The following DPYD variants were observed in gnomAD, a reference collection of about 807,000 sequenced individuals.
DPYD encodes dihydropyrimidine dehydrogenase.
In DPYD, 109 loss-of-function variants were observed where a neutral mutation model predicts 116.2. The observed-to-expected ratio is 0.94, with a 90% confidence interval of 0.80 to 1.10. DPYD has a LOEUF of 1.10. Ranked by LOEUF, DPYD falls within the 50% of genes least tolerant of loss-of-function variation. DPYD has a pLI of 0.00. For missense variants in DPYD, 1,302 were observed against 1,254.5 expected, an observed-to-expected ratio of 1.04 and a Z score of -0.57; for synonymous variants, 440 against 432.0, an observed-to-expected ratio of 1.02 and a Z score of -0.23.
chr1:97,546,018 A>T, intron 12 of DPYD: 2 of 1,376,402 alleles, frequency 1.5e-6, no homozygotes, highest in Non-Finnish European at 2.1e-6. Flanking sequence ...ATATGTGACC[A>T]TGAATATAAA....
At chr1:97,317,899 G>T (rs577211350) in intron 16 of DPYD, among the ~76,000 whole-genome samples, 1 of 152,106 alleles carries the variant, frequency 6.6e-6, no homozygotes, top group African/African-American at 2.4e-5. Context: ...TTCCGACTAA[G>T]GAGAACTCAT....
intron 6 of DPYD, among the ~76,000 whole-genome samples, chr1:97,692,840 A>C (rs1489339814): frequency 6.6e-6 from 1 of 152,182 alleles, no homozygotes; most frequent in Non-Finnish European, 1.5e-5. Context: ...TATTATAGAG[A>C]TTAATTTGGA....
rs150090340 is a variant in DPYD, at chr1:97,852,953, G to A, written c.151-24757C>T. Among the ~76,000 whole-genome samples the A allele has an allele frequency of 2.3e-3, 349 of 152,180 alleles. 4 individuals carry two copies. Among genetic ancestry groups the A allele is most frequent in the African/African-American group, 8.0e-3 (333 of 41,516 alleles). ...ACCAATTTATTATTGAAAATCAATT[G>A]GCTGTCAATATCCAAACCCCTTTGT... On this transcript the variant is annotated intron_variant, in intron 2 of 22. Coordinates refer to ENST00000370192, the MANE Select transcript of DPYD (RefSeq NM_000110.4).
intron 18 of DPYD, among the ~76,000 whole-genome samples, chr1:97,277,064 G>A (rs566694748): frequency 6.6e-6 from 1 of 152,230 alleles, no homozygotes; most frequent in South Asian, 2.1e-4. Context: ...AAGCAACCTG[G>A]ATGCATCTGG....
At chr1:97,211,616 T>G (rs1660037346) in intron 19 of DPYD, among the ~76,000 whole-genome samples, 1 of 152,128 alleles carries the variant, frequency 6.6e-6, no homozygotes, top group Non-Finnish European at 1.5e-5. Context: ...ATATACAGTT[T>G]TAAAATTTAA....
intron 12 of DPYD, among the ~76,000 whole-genome samples, chr1:97,534,053 C>T (rs1649825628): frequency 6.6e-6 from 1 of 152,148 alleles, no homozygotes; most frequent in African/African-American, 2.4e-5. Context: ...TCGGTGTCCT[C>T]ATAATCTAAA....
At chr1:97,183,079 G>C (rs1657754717) in intron 20 of DPYD, among the ~76,000 whole-genome samples, 1 of 134,462 alleles carries the variant, frequency 7.4e-6, no homozygotes, top group African/African-American at 2.5e-5. Flanking sequence ...GTGTTTTTTT[G>C]GTATCCTGTC....
At chr1:97,506,842 G>T (rs1285869258) in intron 13 of DPYD, among the ~76,000 whole-genome samples, 1 of 151,996 alleles carries the variant, frequency 6.6e-6, no homozygotes, top group Non-Finnish European at 1.5e-5. Flanking sequence ...ATTAAATTGT[G>T]TTTGAAAGCA....
At position 97,491,612 on chromosome 1, in the gene DPYD, A is replaced by G. The variant is rs75084912; in HGVS notation, c.1740+24114T>C. Among the ~76,000 whole-genome samples the G allele has an allele frequency of 4.8e-3, 723 of 152,156 alleles. 1 individual carries two copies. Among genetic ancestry groups the G allele is most frequent in the South Asian group, 0.022 (106 of 4,828 alleles). ...GGAAGAATGCTGGCTTCCTTATTTA[A>G]CAGCTGAATGATGCTGAATAGTACA... On this transcript the variant is annotated intron_variant, in intron 13 of 22. Coordinates refer to ENST00000370192, the MANE Select transcript of DPYD (RefSeq NM_000110.4).
At chr1:97,567,950 C>T (rs1459154016) in intron 11 of DPYD, among the ~76,000 whole-genome samples, 2 of 151,796 alleles carry the variant, frequency 1.3e-5, no homozygotes, top group Non-Finnish European at 2.9e-5. Context: ...TATACACGTG[C>T]CATGTTGGTG....
intron 1 of DPYD, 42 bp downstream of exon 1, chr1:97,920,842 C>A (rs371738560): frequency 6.4e-7 from 1 of 1,571,474 alleles, no homozygotes; most frequent in South Asian, 1.2e-5. Context: ...GAGCACTCCC[C>A]ACCACCCCGC....
intron 12 of DPYD, among the ~76,000 whole-genome samples, chr1:97,539,336 G>C (rs1254882056): frequency 6.6e-6 from 1 of 152,022 alleles, no homozygotes; most frequent in South Asian, 2.1e-4. Flanking sequence ...TTCATGGAAT[G>C]AATCCCACTT....
intron 14 of DPYD, among the ~76,000 whole-genome samples, chr1:97,427,547 C>T (rs1474823028): frequency 6.6e-6 from 1 of 151,994 alleles, no homozygotes; most frequent in African/African-American, 2.4e-5. Flanking sequence ...CTTCATGCCC[C>T]AAGTGCAATG....
At chr1:97,850,020 T>C (rs1314379116) in intron 2 of DPYD, among the ~76,000 whole-genome samples, 3 of 152,042 alleles carry the variant, frequency 2.0e-5, no homozygotes, top group Admixed American at 6.5e-5. Context: ...ATGCTAATAA[T>C]CCAAATTAGA....
At chr1:97,163,620 C>T (rs186423955) in intron 20 of DPYD, among the ~76,000 whole-genome samples, 1 of 152,238 alleles carries the variant, frequency 6.6e-6, no homozygotes, top group Non-Finnish European at 1.5e-5. Context: ...CTAGATAGCG[C>T]CTTGTTGCTG....
intron 18 of DPYD, among the ~76,000 whole-genome samples, chr1:97,289,058 C>T (rs145856947): frequency 1.5e-3 from 230 of 152,288 alleles, no homozygotes; most frequent in African/African-American, 5.4e-3. Context: ...ACTACAAACA[C>T]CTTTACACAA....
intron 1 of DPYD, among the ~76,000 whole-genome samples, chr1:97,891,862 T>A (rs1672796394): frequency 6.6e-6 from 1 of 151,890 alleles, no homozygotes; most frequent in Non-Finnish European, 1.5e-5. Context: ...TCCTTTACCC[T>A]TTGCATTCGA....
chr1:97,131,719 A>C (rs1313583186), intron 20 of DPYD, among the ~76,000 whole-genome samples: 1 of 152,172 alleles, frequency 6.6e-6, no homozygotes, highest in Admixed American at 6.5e-5. Flanking sequence ...AGGTGCTCCT[A>C]CTGAGGAGTT....
At chr1:97,863,700 C>T (rs963207109) in intron 2 of DPYD, among the ~76,000 whole-genome samples, 1 of 151,668 alleles carries the variant, frequency 6.6e-6, no homozygotes, top group Non-Finnish European at 1.5e-5. Flanking sequence ...TTCATTATAA[C>T]GCTAAGTTAC....
Sources: gnomAD v4.1 joint callset for allele counts (sites outside exome capture counted in the v4.1 genomes callset) on GRCh38, gnomAD v4.1.1 for gene constraint, MANE v1.5 for transcripts, NCBI Gene and HGNC (gene_info 2026-07-23, HGNC 2026-07-21) for gene names.